The following ATP11C variants were observed in gnomAD, a reference collection of about 807,000 sequenced individuals.
The protein encoded by ATP11C is ATPase phospholipid transporting 11C (ATP11C blood group), also known as phospholipid-transporting ATPase IG.
In ATP11C, 36 loss-of-function variants were observed where a neutral mutation model predicts 97.4. The observed-to-expected ratio is 0.37, with a 90% CI of 0.28 to 0.49. ATP11C has a LOEUF of 0.49. ATP11C is among the 20% of genes least tolerant of loss of function. ATP11C has a pLI of 0.98. For synonymous variants in ATP11C, 275 were observed against 290.9 expected (o/e 0.95, Z 0.56); for missense variants, 730 against 824.6 (o/e 0.89, Z 1.40).
At chrX:139,757,734 A>G in intron 23 of ATP11C, 74 bp downstream of exon 23, 1 of 726,525 alleles carries the variant, frequency 1.4e-6, no homozygotes, top group Non-Finnish European at 2.0e-6. Context: ...TAATCTCTAG[A>G]AATCTAATAT....
intron 1 of ATP11C, among the ~76,000 whole-genome samples, chrX:139,875,362 G>A (rs1361901044): frequency 1.9e-5 from 2 of 104,765 alleles, no homozygotes; most frequent in East Asian, 3.0e-4. Flanking sequence ...TTGGGAGGCC[G>A]AGGTGGGCGG....
At chrX:139,866,343 CAAAAAAAAAAAA>C (rs57250412) in intron 1 of ATP11C, among the ~76,000 whole-genome samples, 2 of 27,572 alleles carry the variant, frequency 7.3e-5, no homozygotes, top group Non-Finnish European at 1.8e-4. Flanking sequence ...GACTCTGTCT[CAAAAAAAAAAAA>C]AAAAAAAAAA....
At chrX:139,842,387 C>T (rs1389902094) in intron 1 of ATP11C, among the ~76,000 whole-genome samples, 1 of 112,437 alleles carries the variant, frequency 8.9e-6, no homozygotes, top group Admixed American at 9.4e-5. Context: ...TTTTCTTCCA[C>T]TCTTTCACCT....
At chrX:139,860,718 T>C (rs936995734) in intron 1 of ATP11C, among the ~76,000 whole-genome samples, 5 of 112,096 alleles carry the variant, frequency 4.5e-5, no homozygotes, top group Non-Finnish European at 9.4e-5. Flanking sequence ...TTCGTGAGGC[T>C]GAGGCAGAAG....
chrX:139,782,423 T>C (rs2082482222), intron 18 of ATP11C, 124 bp downstream of exon 18: 1 of 409,637 alleles, frequency 2.4e-6, no homozygotes. Context: ...AATAAATAAA[T>C]CTTTAAGTCC....
At chrX:139,897,012 G>C (rs989073145) in intron 1 of ATP11C, among the ~76,000 whole-genome samples, 1 of 110,878 alleles carries the variant, frequency 9.0e-6, no homozygotes, top group African/African-American at 3.3e-5. Context: ...CAGATGGCTT[G>C]AGCTCAGGAG....
intron 1 of ATP11C, among the ~76,000 whole-genome samples, chrX:139,848,511 CA>C (rs1395210697): frequency 1.8e-5 from 2 of 108,304 alleles, no homozygotes; most frequent in Non-Finnish European, 3.8e-5. Context: ...TTTTAAGAGA[CA>C]GGGGTCTCAC....
At chrX:139,908,099 C>G (rs1318449925) in intron 1 of ATP11C, among the ~76,000 whole-genome samples, 3 of 111,265 alleles carry the variant, frequency 2.7e-5, no homozygotes, top group Non-Finnish European at 5.7e-5. Flanking sequence ...TTACAAAATC[C>G]AAATGCTCCC....
At chrX:139,889,753 T>C (rs1327295653) in intron 1 of ATP11C, among the ~76,000 whole-genome samples, 1 of 112,000 alleles carries the variant, frequency 8.9e-6, no homozygotes, top group Non-Finnish European at 1.9e-5. Context: ...TTCATGAAAG[T>C]TGTGTATGTG....
At chrX:139,833,209 G>A (rs1233241913) in intron 1 of ATP11C, among the ~76,000 whole-genome samples, 1 of 112,053 alleles carries the variant, frequency 8.9e-6, no homozygotes, top group Admixed American at 9.5e-5. Context: ...ATTTTTCCAA[G>A]TAAACTGTTA....
chrX:139,735,224 T>C (rs1482823233), intron 28 of ATP11C, among the ~76,000 whole-genome samples: 1 of 111,585 alleles, frequency 9.0e-6, no homozygotes, highest in Non-Finnish European at 1.9e-5. Context: ...CTCTTATAAT[T>C]GTTAAATATA....
At chrX:139,831,393 A>G (rs1026299909) in intron 1 of ATP11C, among the ~76,000 whole-genome samples, 6 of 111,566 alleles carry the variant, frequency 5.4e-5, no homozygotes, top group Non-Finnish European at 1.1e-4. Flanking sequence ...TAAGCCTCAC[A>G]CAAACACCTA....
chrX:139,892,923 TC>T (rs1163692279), intron 1 of ATP11C, among the ~76,000 whole-genome samples: 1 of 111,731 alleles, frequency 9.0e-6, no homozygotes, highest in Non-Finnish European at 1.9e-5. Context: ...GAGGCACGCC[TC>T]TAAGTTCAAA....
intron 1 of ATP11C, among the ~76,000 whole-genome samples, chrX:139,852,162 A>C (rs1392300545): frequency 9.1e-6 from 1 of 109,957 alleles, no homozygotes. Context: ...AAGAAAAAAA[A>C]CCCAACAACT....
intron 1 of ATP11C, among the ~76,000 whole-genome samples, chrX:139,896,258 C>A (rs778439950): frequency 2.0e-3 from 225 of 110,470 alleles, no homozygotes; most frequent in Non-Finnish European, 3.0e-3. Flanking sequence ...TGGCCCTTCA[C>A]CTCCCTGGTC....
intron 2 of ATP11C, among the ~76,000 whole-genome samples, chrX:139,825,150 C>T (rs1010633084): frequency 2.2e-4 from 24 of 110,795 alleles, no homozygotes; most frequent in Admixed American, 2.1e-3. Context: ...TAGCAGCTAC[C>T]GTTTGAGTTG....
chrX:139,908,024 T>C lies in ATP11C; in HGVS notation c.27+23992A>G. ...AATAAATATGTGTGAATGGATTAAATAGACAACTTTATTATCATCGCCCTC... is the reference window on the plus strand; with the variant it reads ...AATAAATATGTGTGAATGGATTAAACAGACAACTTTATTATCATCGCCCTC... On this transcript the variant is annotated intron_variant, in intron 1 of 29. Transcript: ENST00000682941. Among the ~76,000 whole-genome samples, 4 of 111,324 alleles carry C rather than the reference T, an allele frequency of 3.6e-5. No individual in the cohort carries two copies. The Middle Eastern group carries it at 0.014, about 388-fold the overall frequency.
chrX:139,755,980 C>T (rs779967021), intron 23 of ATP11C, among the ~76,000 whole-genome samples: 2 of 112,092 alleles, frequency 1.8e-5, no homozygotes, highest in East Asian at 5.6e-4. Flanking sequence ...ACAAATGTTA[C>T]CTAATTAAAT....
At chrX:139,865,433 GATTA>G (rs1424150045) in intron 1 of ATP11C, among the ~76,000 whole-genome samples, 4 of 111,816 alleles carry the variant, frequency 3.6e-5, no homozygotes, top group East Asian at 2.8e-4. Flanking sequence ...AAACTGCTAT[GATTA>G]ATTATCAAAA....
Sources: gnomAD v4.1 joint callset for allele counts (sites outside exome capture counted in the v4.1 genomes callset) on GRCh38, gnomAD v4.1.1 for gene constraint, MANE v1.5 for transcripts, NCBI Gene and HGNC (gene_info 2026-07-23, HGNC 2026-07-21) for gene names.